BTLA: variants seen among roughly 807,000 people sequenced by gnomAD.
BTLA encodes the protein B and T lymphocyte associated.
BTLA carries 11 observed loss-of-function variants against 25.0 expected under a neutral mutation model. The observed-to-expected ratio is 0.44, with a 90% CI of 0.28 to 0.73. The LOEUF (loss-of-function observed/expected upper bound fraction) is 0.73, where lower values mean the gene tolerates loss of function less well. Ranked by LOEUF, BTLA falls within the 30% of genes least tolerant of loss-of-function variation. The pLI is 0.15. For missense variants in BTLA, 282 were observed against 332.8 expected (o/e 0.85, Z 1.19); for synonymous variants, 104 against 119.8 (o/e 0.87, Z 0.86).
intron 2 of BTLA, among the ~76,000 whole-genome samples, chr3:112,478,058 C>T (rs973177116): frequency 4.8e-5 from 7 of 147,284 alleles, no homozygotes; most frequent in Admixed American, 4.1e-4. Flanking sequence ...ATAGGGAAGT[C>T]TTAGCTTCAG....
In BTLA at chr3:112,486,618, A is replaced by C. The variant is rs180804567; in HGVS notation, c.89-6849T>G. ...GTCCAATAACTAATAAATGGATTGT[A>C]TTAAAACTGAAATTCTGCAAAGATA... is the stretch of plus-strand genomic sequence containing the variant. On this transcript the variant is annotated intron_variant, in intron 1 of 4. Coordinates refer to ENST00000334529, the MANE Select transcript of BTLA (RefSeq NM_181780.4). Among the ~76,000 whole-genome samples the C allele has an allele frequency of 2.0e-3, 299 of 152,374 alleles. 1 individual carries two copies. Among genetic ancestry groups the C allele is most frequent in the Non-Finnish European group, 1.8e-3 (122 of 68,034 alleles).
intron 1 of BTLA, among the ~76,000 whole-genome samples, chr3:112,498,093 A>G (rs1427787719): frequency 2.0e-5 from 3 of 152,168 alleles, no homozygotes; most frequent in Non-Finnish European, 4.4e-5. Context: ...GTTAAGTACA[A>G]ATCTATCACT....
intron 1 of BTLA, among the ~76,000 whole-genome samples, chr3:112,498,568 C>CTTTTTTTTTTT (rs34606026): frequency 1.2e-5 from 1 of 83,880 alleles, no homozygotes; most frequent in Non-Finnish European, 2.2e-5. Flanking sequence ...AAGAAATTGC[C>CTTTTTTTTTTT]TTTTTTTTTT....
intron 1 of BTLA, among the ~76,000 whole-genome samples, chr3:112,485,705 A>G (rs1020527132): frequency 1.3e-5 from 2 of 152,162 alleles, no homozygotes; most frequent in African/African-American, 2.4e-5. Context: ...CGGAACCATC[A>G]GTTATTTTTA....
chr3:112,469,125 C>G (rs2082246198), intron 4 of BTLA, among the ~76,000 whole-genome samples: 1 of 152,144 alleles, frequency 6.6e-6, no homozygotes, highest in Admixed American at 6.5e-5. Context: ...AATATCTCCA[C>G]AACATTCAAC....
chr3:112,479,628 G>C lies in BTLA; in HGVS notation c.230C>G (p.Thr77Arg), dbSNP rs1346790154. 1 of 1,614,094 alleles carries C rather than the reference G, an allele frequency of 6.2e-7. No homozygotes were observed. The highest frequency in any genetic ancestry group is 8.5e-7 in the Non-Finnish European group (1 of 1,179,986). The change falls in exon 2 of 5, where the codon ACA (threonine) becomes AGA (arginine). Residue 77 changes from threonine to arginine, a missense_variant. By Grantham distance (71) the Thr-to-Arg change is moderately conservative. Coordinates refer to ENST00000334529, the MANE Select transcript of BTLA (RefSeq NM_181780.4). Reference protein sequence around the residue: ...PHVTWCKLNGTTCVKLEDRQT... With the variant: ...PHVTWCKLNGRTCVKLEDRQT... ...TCTATCTTCAAGTTTTACACATGTTGTTCCATTGAGCTTGCACCAAGTCAC... is the reference window on the plus strand; with the variant it reads ...TCTATCTTCAAGTTTTACACATGTTCTTCCATTGAGCTTGCACCAAGTCAC...
At chr3:112,499,195 A>C in intron 1 of BTLA, 76 bp downstream of exon 1, 2 of 1,053,828 alleles carry the variant, frequency 1.9e-6, no homozygotes, top group Non-Finnish European at 2.9e-6. Context: ...CACCGTACTA[A>C]GTTCAGCAAG....
chr3:112,472,832 T>A (rs1242398499), intron 2 of BTLA, among the ~76,000 whole-genome samples: 2 of 152,060 alleles, frequency 1.3e-5, no homozygotes, highest in Non-Finnish European at 2.9e-5. Flanking sequence ...ACAAATGTTG[T>A]CTATTGATGT....
intron 4 of BTLA, among the ~76,000 whole-genome samples, chr3:112,468,481 T>C (rs2082242864): frequency 6.6e-6 from 1 of 152,216 alleles, no homozygotes; most frequent in South Asian, 2.1e-4. Flanking sequence ...GGCAAAAATC[T>C]TCAAATTCCT....
At chr3:112,472,240 A>G (rs2082266496) in intron 2 of BTLA, among the ~76,000 whole-genome samples, 1 of 152,216 alleles carries the variant, frequency 6.6e-6, no homozygotes, top group Non-Finnish European at 1.5e-5. Flanking sequence ...ATCCAGACCA[A>G]AGTGTCAATG....
At chr3:112,488,935 A>G (rs2082364675) in intron 1 of BTLA, among the ~76,000 whole-genome samples, 1 of 151,958 alleles carries the variant, frequency 6.6e-6, no homozygotes, top group African/African-American at 2.4e-5. Context: ...CTTTATAACT[A>G]CATATGTGTT....
At chr3:112,485,035 AT>A (rs1283946711) in intron 1 of BTLA, among the ~76,000 whole-genome samples, 1 of 151,762 alleles carries the variant, frequency 6.6e-6, no homozygotes, top group Non-Finnish European at 1.5e-5. Flanking sequence ...GCACAATTCT[AT>A]TTTTTTTAAT....
In BTLA at chr3:112,466,085, C is replaced by A; in HGVS notation, c.*23G>T. ...GTCAACATGCTGATCATTCAATGGT[C>A]CCTGTTGGAGTCAGAAACAGACTTA... On this transcript the variant is annotated 3_prime_UTR_variant, in exon 5 of 5. Transcript: ENST00000334529. The A allele has an allele frequency of 6.5e-7, 1 of 1,546,774 alleles. No homozygotes were observed. The highest frequency in any genetic ancestry group is 8.8e-7 in the Non-Finnish European group (1 of 1,138,508).
chr3:112,466,467 T>C, intron 4 of BTLA, 84 bp from the exon 5 acceptor site: 1 of 1,264,416 alleles, frequency 7.9e-7, no homozygotes, highest in Non-Finnish European at 1.1e-6. Flanking sequence ...ATGAAAAGCT[T>C]AAATGGAGTC....
chr3:112,467,911 A>G (rs1244793200), intron 4 of BTLA, among the ~76,000 whole-genome samples: 2 of 152,348 alleles, frequency 1.3e-5, no homozygotes, highest in South Asian at 2.1e-4. Flanking sequence ...AAGCCTGTCA[A>G]TTGGGTTCCC....
intron 4 of BTLA, among the ~76,000 whole-genome samples, chr3:112,467,159 A>G (rs1305689262): frequency 6.6e-6 from 1 of 151,812 alleles, no homozygotes; most frequent in Non-Finnish European, 1.5e-5. Flanking sequence ...ACGGGGTTTC[A>G]CCATTTTAGC....
At position 112,466,317 on chromosome 3, in the gene BTLA, ATAGCAGTACTTGGGAATTTTGCCTGGTGC is replaced by A. The variant is rs778130225; in HGVS notation, c.632_660del (p.Ser211IlefsTer7). On this transcript the variant is annotated frameshift_variant, in exon 5 of 5. Coordinates refer to ENST00000334529, the MANE Select transcript of BTLA (RefSeq NM_181780.4). LOFTEE classifies it low-confidence loss of function (END_TRUNC). ...TCATTATCATAAATTCCAGTTTCTGATAGCAGTACTTGGGAATTTTGCCTGGTGCTTGCTTCTGTTTGCTCACTCTTAAG... is the reference window on the plus strand; with the variant it reads ...TCATTATCATAAATTCCAGTTTCTGATTGCTTCTGTTTGCTCACTCTTAAG... 6.2e-7 allele frequency: 1 copy of A among 1,613,898 alleles called. No homozygotes were observed. Among genetic ancestry groups the A allele is most frequent in the Non-Finnish European group, 8.5e-7 (1 of 1,179,862 alleles).
At chr3:112,475,115 G>A (rs2082282076) in intron 2 of BTLA, among the ~76,000 whole-genome samples, 1 of 152,180 alleles carries the variant, frequency 6.6e-6, no homozygotes, top group Admixed American at 6.5e-5. Flanking sequence ...GGTGCGAGAT[G>A]CTTATAGAAG....
chr3:112,473,653 CA>C (rs2082274917), intron 2 of BTLA, among the ~76,000 whole-genome samples: 1 of 124,558 alleles, frequency 8.0e-6, no homozygotes, highest in African/African-American at 3.2e-5. Context: ...CTCGCTCTAT[CA>C]CCCAGGCTGG....
Sources: allele counts gnomAD v4.1 joint callset (sites outside exome capture counted in the v4.1 genomes callset), GRCh38; gene constraint gnomAD v4.1.1; transcripts MANE v1.5; gene names NCBI Gene and HGNC (gene_info 2026-07-23, HGNC 2026-07-21).